ARNT2: variants seen among roughly 807,000 people sequenced by gnomAD.
ARNT2 encodes the protein ARNT protein 2.
Under a neutral mutation model 91.7 loss-of-function variants are expected in ARNT2, and 36 were observed. The observed-to-expected ratio is 0.39, with a 90% CI of 0.30 to 0.52. The LOEUF is 0.52. Ranked by LOEUF, ARNT2 falls within the 20% of genes least tolerant of loss-of-function variation. ARNT2 has a pLI of 0.72. For missense variants in ARNT2, 775 were observed against 939.3 expected, an observed-to-expected ratio of 0.83 and a Z score of 2.29; for synonymous variants, 365 against 347.1, an observed-to-expected ratio of 1.05 and a Z score of -0.57.
intron 5 of ARNT2, among the ~76,000 whole-genome samples, chr15:80,480,824 C>T (rs547602296): frequency 6.6e-6 from 1 of 152,226 alleles, no homozygotes; most frequent in South Asian, 2.1e-4. Context: ...CCTCCTTCCT[C>T]CTTCCCTCTT....
At chr15:80,420,079 T>G (rs958989639) in intron 1 of ARNT2, among the ~76,000 whole-genome samples, 3 of 152,106 alleles carry the variant, frequency 2.0e-5, no homozygotes, top group Non-Finnish European at 4.4e-5. Context: ...TCTCCACATT[T>G]TATCATCTCA....
intron 6 of ARNT2, among the ~76,000 whole-genome samples, chr15:80,509,100 C>T (rs1189866095): frequency 6.6e-6 from 1 of 152,084 alleles, no homozygotes; most frequent in East Asian, 1.9e-4. Flanking sequence ...ATGTTAAGGG[C>T]CTACCTGTGC....
chr15:80,438,009 T>A (rs1416508213), intron 1 of ARNT2, among the ~76,000 whole-genome samples: 1 of 151,456 alleles, frequency 6.6e-6, no homozygotes, highest in Non-Finnish European at 1.5e-5. Context: ...GTGCGTTGAG[T>A]TAATTCAGTT....
rs983190500 is a variant in ARNT2, at chr15:80,412,338, G to C, written c.31+7792G>C. On this transcript the variant is annotated intron_variant, in intron 1 of 18. Coordinates refer to ENST00000303329, the MANE Select transcript of ARNT2 (RefSeq NM_014862.4). ...GAGCTCTTCTCCTAGCCCCTGCTGA[G>C]GAGTTGGTTGCTTTCTTCACCACAA... Among the ~76,000 whole-genome samples, 18 of 152,288 alleles carry C rather than the reference G, an allele frequency of 1.2e-4. 2 individuals are homozygous for C. The highest frequency in any genetic ancestry group is 7.2e-4 in the Admixed American group (11 of 15,294).
rs527300041 is a variant in ARNT2, at chr15:80,446,290, A to G, written c.32-4590A>G. Among the ~76,000 whole-genome samples, 5 of 152,276 alleles carry G rather than the reference A, an allele frequency of 3.3e-5. No individual in the cohort carries two copies. In the South Asian group the frequency reaches 8.3e-4, roughly 25 times the overall value. Reference sequence around the variant, plus strand: ...ACATTTCTTCTACTAGACATGATAAATAATTGGCTTTCCTTAATACTTACA... The same window carrying G: ...ACATTTCTTCTACTAGACATGATAAGTAATTGGCTTTCCTTAATACTTACA... On this transcript the variant is annotated intron_variant, in intron 1 of 18. Transcript: ENST00000303329.
At chr15:80,580,686 C>A in intron 16 of ARNT2, 137 bp downstream of exon 16, 1 of 1,140,626 alleles carries the variant, frequency 8.8e-7, no homozygotes, top group Non-Finnish European at 1.2e-6. Context: ...CAGCTGGCTA[C>A]TCAGGAGCAC....
chr15:80,484,131 C>T (rs759358114), intron 5 of ARNT2, among the ~76,000 whole-genome samples: 15 of 150,752 alleles, frequency 1.0e-4, no homozygotes, highest in Non-Finnish European at 2.1e-4. Context: ...TAATCCTGAA[C>T]ACATTCAGCA....
chr15:80,488,598 G>A lies in ARNT2; in HGVS notation c.622+13375G>A, dbSNP rs976323418. ...GACTCCACTCCATTTCTGTGAACTC[G>A]ACTGTACCATAGTGAAGTTCAGACA... is the stretch of plus-strand genomic sequence containing the variant. On this transcript the variant is annotated intron_variant, in intron 5 of 18. Coordinates refer to ENST00000303329, the MANE Select transcript of ARNT2 (RefSeq NM_014862.4). 1.3e-5 allele frequency: 2 copies of A among 152,018 alleles called. 1 individual carries two copies. Among genetic ancestry groups the A allele is most frequent in the Middle Eastern group, 6.8e-3 (2 of 292 alleles). The allele number at this position is 152,018 out of a possible 1,614,324, so 9.4% of individuals were successfully genotyped here.
Position 80,484,282 on chromosome 15 carries a change from A to G in ARNT2, c.622+9059A>G, listed in dbSNP as rs145333913. On this transcript the variant is annotated intron_variant, in intron 5 of 18. Coordinates refer to ENST00000303329, the MANE Select transcript of ARNT2 (RefSeq NM_014862.4). ...AGAAATAAAGCATTTTTATGGCAAG[A>G]AAAGCATGTTTATTTGACTTAGGCC... is the stretch of plus-strand genomic sequence containing the variant. 3.5e-3 allele frequency among the ~76,000 whole-genome samples: 526 copies of G among 152,234 alleles called. 4 individuals are homozygous for G. The highest frequency in any genetic ancestry group is 0.012 in the African/African-American group (506 of 41,476).
In ARNT2 at chr15:80,591,548, C is replaced by G; in HGVS notation, c.1919-20C>G. 3 of 1,613,996 alleles carry G rather than the reference C, an allele frequency of 1.9e-6. No individual in the cohort carries two copies. Among genetic ancestry groups the G allele is most frequent in the Non-Finnish European group, 2.5e-6 (3 of 1,179,938 alleles). Reference sequence around the variant, plus strand: ...CGGGATGGCTTTTAAAGGAAGTGTCCTGTGTGTCGAATCTTTCAGCTGAAA... The same window carrying G: ...CGGGATGGCTTTTAAAGGAAGTGTCGTGTGTGTCGAATCTTTCAGCTGAAA... On this transcript the variant is annotated intron_variant, in intron 17 of 18. Coordinates refer to ENST00000303329, the MANE Select transcript of ARNT2 (RefSeq NM_014862.4). This position sits in a 1 kb window ranked among gnomAD's most constrained non-coding sequence, Gnocchi z 5.1.
At chr15:80,435,567 C>T (rs1896073925) in intron 1 of ARNT2, among the ~76,000 whole-genome samples, 1 of 152,164 alleles carries the variant, frequency 6.6e-6, no homozygotes, top group Non-Finnish European at 1.5e-5. Context: ...ACATTGCTGA[C>T]CCCACAGCCC....
At chr15:80,430,032 G>C (rs1895986946) in intron 1 of ARNT2, among the ~76,000 whole-genome samples, 2 of 152,132 alleles carry the variant, frequency 1.3e-5, no homozygotes, top group Admixed American at 1.3e-4. Context: ...GAAAGTGCCT[G>C]TCCTTGAGGC....
chr15:80,589,354 G>T (rs145928391), intron 17 of ARNT2, among the ~76,000 whole-genome samples: 3 of 152,222 alleles, frequency 2.0e-5, no homozygotes, highest in Non-Finnish European at 4.4e-5. Context: ...GCTGTGGGGT[G>T]GGGGTGGCTG....
chr15:80,502,135 G>A lies in ARNT2; in HGVS notation c.623-6021G>A, dbSNP rs993672915. 9.2e-5 allele frequency among the ~76,000 whole-genome samples: 14 copies of A among 152,320 alleles called. 2 individuals carry two copies. The highest frequency in any genetic ancestry group is 2.0e-4 in the Admixed American group (3 of 15,302). Reference sequence around the variant, plus strand: ...AAGCAGGATGCTGATAGGACATCAAGAATTCTGACATTAGATTCTCCCTGA... The same window carrying A: ...AAGCAGGATGCTGATAGGACATCAAAAATTCTGACATTAGATTCTCCCTGA... On this transcript the variant is annotated intron_variant, in intron 5 of 18. Transcript: ENST00000303329.
At chr15:80,410,751 C>A (rs1449186866) in intron 1 of ARNT2, among the ~76,000 whole-genome samples, 1 of 140,242 alleles carries the variant, frequency 7.1e-6, no homozygotes. Flanking sequence ...GCAATCCATT[C>A]ATTTTTATCT....
At chr15:80,531,062 C>T (rs571113578) in intron 8 of ARNT2, among the ~76,000 whole-genome samples, 3 of 152,336 alleles carry the variant, frequency 2.0e-5, no homozygotes, top group Non-Finnish European at 4.4e-5. Flanking sequence ...TCTGAGAATA[C>T]TTTGGATGCA....
intron 17 of ARNT2, among the ~76,000 whole-genome samples, chr15:80,590,924 G>A (rs1182141224): frequency 6.6e-6 from 1 of 152,148 alleles, no homozygotes; most frequent in East Asian, 1.9e-4. Flanking sequence ...CAAACAAACT[G>A]ACGCAAAGAA....
At chr15:80,459,854 G>A (rs139286881) in intron 3 of ARNT2, among the ~76,000 whole-genome samples, 40 of 152,294 alleles carry the variant, frequency 2.6e-4, no homozygotes, top group African/African-American at 9.4e-4. Flanking sequence ...TTGTAGGACC[G>A]CAGAGGCCCA....
chr15:80,580,251 G>C (rs111949547), intron 15 of ARNT2, 160 bp from the exon 16 acceptor site: 1 of 920,950 alleles, frequency 1.1e-6, no homozygotes, highest in African/African-American at 1.6e-5. Flanking sequence ...CGGCCAAGGG[G>C]CTTTGAGGCT....
Sources: gnomAD v4.1 joint callset for allele counts (sites outside exome capture counted in the v4.1 genomes callset) on GRCh38, gnomAD v4.1.1 for gene constraint, Gnocchi (gnomAD v3.1) non-coding constraint, MANE v1.5 for transcripts, NCBI Gene and HGNC (gene_info 2026-07-23, HGNC 2026-07-21) for gene names.